ZNF667: variants seen among roughly 807,000 people sequenced by gnomAD.
The protein encoded by ZNF667 is zinc finger protein 667, also known as myocardial ischemic preconditioning upregulated 1 ortholog.
A neutral mutation model predicts 31.8 loss-of-function variants in ZNF667; 13 were observed. The ratio of observed to expected loss-of-function variants is 0.41; its 90% CI spans 0.27 to 0.65. The LOEUF is 0.65. ZNF667 is among the 30% of genes least tolerant of loss of function. The pLI, the probability that ZNF667 is intolerant of heterozygous loss-of-function variation, is 0.32. For missense variants in ZNF667, 642 were observed against 725.6 expected, an observed-to-expected ratio of 0.88 and a Z score of 1.32; for synonymous variants, 228 against 247.1, an observed-to-expected ratio of 0.92 and a Z score of 0.73.
rs540421533 is a variant in ZNF667, at chr19:56,440,913, G to A, written c.*249C>T. On this transcript the variant is annotated 3_prime_UTR_variant, in exon 7 of 7. Coordinates refer to ENST00000504904, the MANE Select transcript of ZNF667 (RefSeq NM_001321356.2). ...GCTGGGGTTACAGGTGTAAGCCACT[G>A]CGCCCAGCCAGTAATTCTTATCAAA... is the stretch of plus-strand genomic sequence containing the variant. The A allele has an allele frequency of 2.7e-5, 36 of 1,316,630 alleles. No homozygotes were observed. In the African/African-American group the frequency reaches 5.0e-4, roughly 18 times the overall value. The allele number at this position is 1,316,630 out of a possible 1,614,324, so 81.6% of individuals were successfully genotyped here. A position where few individuals can be genotyped will look rare whatever the true frequency, so the allele number is the denominator to read the frequency against.
chr19:56,470,454 C>T (rs116857134), intron 3 of ZNF667, among the ~76,000 whole-genome samples: 6,132 of 152,250 alleles, frequency 0.04, 160 homozygotes, highest in Middle Eastern at 0.088. Flanking sequence ...AATCAACCAC[C>T]CAGGGTCCTC....
chr19:56,443,752 T>C (rs1286590212), intron 6 of ZNF667, among the ~76,000 whole-genome samples: 1 of 151,906 alleles, frequency 6.6e-6, no homozygotes, highest in Non-Finnish European at 1.5e-5. Flanking sequence ...CTCAGAAAAA[T>C]AGGTAAGAGA....
chr19:56,475,249 G>A (rs1249948662), intron 1 of ZNF667: 1 of 152,150 alleles, frequency 6.6e-6, no homozygotes, highest in African/African-American at 2.4e-5. Flanking sequence ...CTGTTTTGTT[G>A]AGAGACTAGC....
chr19:56,467,243 CAG>C (rs1441035949), intron 3 of ZNF667, among the ~76,000 whole-genome samples: 7 of 152,010 alleles, frequency 4.6e-5, no homozygotes. Flanking sequence ...TGTGGTAGAC[CAG>C]AGTTATGGCC....
In ZNF667 at chr19:56,466,890, A is replaced by C. The variant is rs542585791; in HGVS notation, c.-59-4461T>G. ...ATTCCAGGTTTAATGACAGCTCCTTACAGTTTCCCATTCCTTCTCCTGCTT... is the reference window on the plus strand; with the variant it reads ...ATTCCAGGTTTAATGACAGCTCCTTCCAGTTTCCCATTCCTTCTCCTGCTT... On this transcript the variant is annotated intron_variant, in intron 3 of 6. Coordinates refer to ENST00000504904, the MANE Select transcript of ZNF667 (RefSeq NM_001321356.2). 2 of 414,294 alleles carry C rather than the reference A, an allele frequency of 4.8e-6. 1 individual carries two copies. Among genetic ancestry groups the C allele is most frequent in the African/African-American group, 4.1e-5 (2 of 49,084 alleles). The allele number at this position is 414,294 out of a possible 1,614,324, so 25.7% of individuals were successfully genotyped here. A position where few individuals can be genotyped will look rare whatever the true frequency, so the allele number is the denominator to read the frequency against.
chr19:56,477,831 GC>G (rs2043451184), upstream of ZNF667: 1 of 152,328 alleles, frequency 6.6e-6, no homozygotes, highest in African/African-American at 2.4e-5. Flanking sequence ...GGCGGACACC[GC>G]CCACCCGCGC....
chr19:56,454,977 T>C (rs1336122522), intron 6 of ZNF667, among the ~76,000 whole-genome samples: 1 of 151,776 alleles, frequency 6.6e-6, no homozygotes, highest in Non-Finnish European at 1.5e-5. Flanking sequence ...AACAACTATA[T>C]AGGAAAAAAA....
At position 56,440,041 on chromosome 19, in the gene ZNF667, T is replaced by C. The variant is rs2147642238; in HGVS notation, c.*1121A>G. 6.6e-6 allele frequency: 1 copy of C among 152,308 alleles called. No homozygotes were observed. Among genetic ancestry groups the C allele is most frequent in the Middle Eastern group, 3.4e-3 (1 of 294 alleles). The allele number at this position is 152,308 out of a possible 1,614,324, so 9.4% of individuals were successfully genotyped here. ...CATCTAATCCTAATTGCCTCCCAAATGCCTCATTTCCAAGTAACATCACAT... is the reference window on the plus strand; with the variant it reads ...CATCTAATCCTAATTGCCTCCCAAACGCCTCATTTCCAAGTAACATCACAT... On this transcript the variant is annotated 3_prime_UTR_variant, in exon 7 of 7. Transcript: ENST00000504904.
chr19:56,460,559 T>G, intron 5 of ZNF667, 130 bp downstream of exon 5: 2 of 1,030,666 alleles, frequency 1.9e-6, no homozygotes, highest in Non-Finnish European at 2.7e-6. Flanking sequence ...TTGTATAGTA[T>G]GTGAATTATA....
At chr19:56,463,536 T>C (rs567629469) in intron 3 of ZNF667, among the ~76,000 whole-genome samples, 3 of 152,234 alleles carry the variant, frequency 2.0e-5, no homozygotes, top group East Asian at 3.9e-4. Context: ...CTTCCCTTTT[T>C]TTTTCTTTTG....
At chr19:56,444,307 G>A (rs1450166293) in intron 6 of ZNF667, 3 of 398,320 alleles carry the variant, frequency 7.5e-6, no homozygotes, top group South Asian at 1.3e-4. Flanking sequence ...AGACGAAGTA[G>A]GAGAAGGCAC....
chr19:56,462,206 C>T lies in ZNF667; in HGVS notation c.33+132G>A, dbSNP rs187932477. On this transcript the variant is annotated intron_variant, in intron 4 of 6. Coordinates refer to ENST00000504904, the MANE Select transcript of ZNF667 (RefSeq NM_001321356.2). Reference sequence around the variant, plus strand: ...CTCAGGTTCTCATCCCTCATGGCAACGGGAGAAAACCAAAGACTAGGTGTT... The same window carrying T: ...CTCAGGTTCTCATCCCTCATGGCAATGGGAGAAAACCAAAGACTAGGTGTT... The T allele has an allele frequency of 4.1e-4, 475 of 1,149,558 alleles. 2 individuals carry two copies. The highest frequency in any genetic ancestry group is 8.3e-4 in the Admixed American group (45 of 54,510). The allele number at this position is 1,149,558 out of a possible 1,614,324, so 71.2% of individuals were successfully genotyped here. A position where few individuals can be genotyped will look rare whatever the true frequency, so the allele number is the denominator to read the frequency against.
intron 3 of ZNF667, among the ~76,000 whole-genome samples, chr19:56,465,848 C>T (rs907040701): frequency 1.3e-5 from 2 of 151,466 alleles, no homozygotes; most frequent in Admixed American, 1.3e-4. Flanking sequence ...GGCTGGGAGA[C>T]CATTCCCTAC....
intron 3 of ZNF667, among the ~76,000 whole-genome samples, chr19:56,471,142 G>T (rs915352360): frequency 3.3e-5 from 5 of 151,964 alleles, no homozygotes; most frequent in African/African-American, 4.8e-5. Flanking sequence ...CAGTTGTTTA[G>T]AAGTGTGTAG....
At chr19:56,462,533 G>A in intron 3 of ZNF667, 104 bp from the exon 4 acceptor site, 4 of 711,060 alleles carry the variant, frequency 5.6e-6, no homozygotes, top group Non-Finnish European at 1.0e-5. Context: ...ATATGCACGT[G>A]CACACACACA....
rs1244197000 is a variant in ZNF667, at chr19:56,458,184, A to G, written c.224T>C (p.Val75Ala). The G allele has an allele frequency of 3.1e-6, 5 of 1,614,202 alleles. No individual in the cohort carries two copies. The South Asian group carries it at 4.4e-5, about 14-fold the overall frequency. ...LLEKGKAPWM[V>A]EPVRRRRAPD... ...AGCCCGGCGTCTTCTTACTGGCTCT[A>G]CCATCCAGGGTGCTTTCCCTTTCTC... The change falls in exon 6 of 7, where the codon GTA (valine) becomes GCA (alanine). Residue 75 changes from valine (V) to alanine (A), a missense_variant. By Grantham distance (64) the Val-to-Ala change is moderately conservative (BLOSUM62 0). Coordinates refer to ENST00000504904, the MANE Select transcript of ZNF667 (RefSeq NM_001321356.2).
intron 3 of ZNF667, among the ~76,000 whole-genome samples, chr19:56,466,066 A>G (rs1200650355): frequency 6.6e-6 from 1 of 152,192 alleles, no homozygotes; most frequent in Non-Finnish European, 1.5e-5. Context: ...CTGTGTAGAC[A>G]GCACCTCGCA....
intron 3 of ZNF667, among the ~76,000 whole-genome samples, chr19:56,463,883 A>T (rs1046161787): frequency 1.3e-5 from 2 of 152,194 alleles, no homozygotes; most frequent in African/African-American, 4.8e-5. Context: ...AATAAAATTT[A>T]AAATTATTGC....
At position 56,459,949 on chromosome 19, in the gene ZNF667, G is replaced by A. The variant is rs547983644; in HGVS notation, c.160+740C>T. 5.3e-5 allele frequency among the ~76,000 whole-genome samples: 8 copies of A among 151,852 alleles called. No individual in the cohort carries two copies. In the East Asian group the frequency reaches 1.2e-3, roughly 22 times the overall value. On this transcript the variant is annotated intron_variant, in intron 5 of 6. Coordinates refer to ENST00000504904, the MANE Select transcript of ZNF667 (RefSeq NM_001321356.2). ...GGAGGTTGCAGTGAGCTGAGATTGC[G>A]CCACTGCACTCCAGCCTGGCGAAAG... is the stretch of plus-strand genomic sequence containing the variant.
Sources: allele counts gnomAD v4.1 joint callset (sites outside exome capture counted in the v4.1 genomes callset), GRCh38; gene constraint gnomAD v4.1.1; transcripts MANE v1.5; gene names NCBI Gene and HGNC (gene_info 2026-07-23, HGNC 2026-07-21).